CNR1: variants seen among roughly 807,000 people sequenced by gnomAD.
CNR1 encodes the protein cannabinoid receptor 1.
A neutral mutation model predicts 23.0 loss-of-function variants in CNR1; 10 were observed. The ratio of observed to expected loss-of-function variants is 0.43; its 90% CI spans 0.27 to 0.74. The LOEUF is 0.74. Among genes scored for constraint, CNR1 ranks in the 30% least tolerant of loss-of-function variants. The pLI, the probability that CNR1 is intolerant of heterozygous loss-of-function variation, is 0.19. For missense variants in CNR1, 422 were observed against 618.8 expected (o/e 0.68, Z 3.37); for synonymous variants, 271 against 255.2 (o/e 1.06, Z -0.59).
chr6:88,145,325 AC>A lies in CNR1; in HGVS notation c.-52del, dbSNP rs748879032. 6.9e-7 allele frequency: 1 copy of A among 1,456,006 alleles called. No individual in the cohort carries two copies. Among genetic ancestry groups the A allele is most frequent in the East Asian group, 2.3e-5 (1 of 43,838 alleles). 90.2% of individuals were successfully genotyped at this position (1,456,006 alleles called of 1,614,324 possible). A position where few individuals can be genotyped will look rare whatever the true frequency, so the allele number is the denominator to read the frequency against. On this transcript the variant is annotated 5_prime_UTR_variant, in exon 2 of 2. An upstream open reading frame in the 5' UTR gains an earlier in-frame stop. Coordinates refer to ENST00000369501, the MANE Select transcript of CNR1 (RefSeq NM_016083.6). ...CTCAAAATGACTGAGAAAGTGACCC[AC>A]AGGGGGCAATCCTAAGAGGAGGGAA...
chr6:88,141,765 A>C lies in CNR1; in HGVS notation c.*2091T>G, dbSNP rs1776834801. 1 of 152,340 alleles carries C rather than the reference A, an allele frequency of 6.6e-6. No individual in the cohort carries two copies. The highest frequency in any genetic ancestry group is 2.1e-4 in the South Asian group (1 of 4,826). The allele number at this position is 152,340 out of a possible 1,614,324, so 9.4% of individuals were successfully genotyped here. A position where few individuals can be genotyped will look rare whatever the true frequency, so the allele number is the denominator to read the frequency against. Reference sequence around the variant, plus strand: ...CAAGGTGTGCAGACAGACAATGCAAAGTATCTCATAAGCCACATCCTGCCT... The same window carrying C: ...CAAGGTGTGCAGACAGACAATGCAACGTATCTCATAAGCCACATCCTGCCT... On this transcript the variant is annotated 3_prime_UTR_variant, in exon 2 of 2. Coordinates refer to ENST00000369501, the MANE Select transcript of CNR1 (RefSeq NM_016083.6).
At chr6:88,162,485 A>G (rs1419693038) in intron 1 of CNR1, among the ~76,000 whole-genome samples, 2 of 152,222 alleles carry the variant, frequency 1.3e-5, no homozygotes, top group Non-Finnish European at 2.9e-5. Context: ...ATCTAATCTA[A>G]GAATATACAG....
At chr6:88,148,738 AG>A (rs1194639893) in intron 1 of CNR1, among the ~76,000 whole-genome samples, 8 of 152,228 alleles carry the variant, frequency 5.3e-5, no homozygotes, top group Non-Finnish European at 1.0e-4. Flanking sequence ...CTTTGGCTAC[AG>A]AGAGGCAAAC....
upstream of CNR1, among the ~76,000 whole-genome samples, chr6:88,166,605 C>T (rs910079958): frequency 6.6e-6 from 1 of 152,174 alleles, no homozygotes; most frequent in African/African-American, 2.4e-5. Flanking sequence ...CCTCCGCCGC[C>T]GCGCTCCCGG....
At chr6:88,150,303 G>A (rs1777448222) in intron 1 of CNR1, among the ~76,000 whole-genome samples, 1 of 152,174 alleles carries the variant, frequency 6.6e-6, no homozygotes, top group Non-Finnish European at 1.5e-5. Context: ...AAGACATACA[G>A]AGAAAAGTCA....
At chr6:88,157,633 T>C (rs1385874166) in intron 1 of CNR1, among the ~76,000 whole-genome samples, 3 of 152,030 alleles carry the variant, frequency 2.0e-5, no homozygotes, top group African/African-American at 7.2e-5. Flanking sequence ...AGGAAAGGAG[T>C]TCTACTTAAA....
rs1776846514 is a variant in CNR1 at position 88,141,937 on chromosome 6, A to C, written c.*1919T>G. 6.6e-6 allele frequency: 1 copy of C among 152,330 alleles called. No homozygotes were observed. The allele number at this position is 152,330 out of a possible 1,614,324, so 9.4% of individuals were successfully genotyped here. ...CTTGTAGGAGTCATGTTTTATCTGTATAAGAAGAGATTATAATTAAAATTT... is the reference window on the plus strand; with the variant it reads ...CTTGTAGGAGTCATGTTTTATCTGTCTAAGAAGAGATTATAATTAAAATTT... On this transcript the variant is annotated 3_prime_UTR_variant, in exon 2 of 2. Transcript: ENST00000369501.
At chr6:88,166,962 C>T (rs1778395235), upstream of CNR1, among the ~76,000 whole-genome samples, 3 of 151,886 alleles carry the variant, frequency 2.0e-5, no homozygotes, top group South Asian at 4.1e-4. Flanking sequence ...GAGCCGTTCG[C>T]TACCTGGCTG....
intron 1 of CNR1, among the ~76,000 whole-genome samples, chr6:88,164,088 T>A (rs1273773989): frequency 6.6e-6 from 1 of 152,222 alleles, no homozygotes; most frequent in Non-Finnish European, 1.5e-5. Context: ...GTTATTAAAA[T>A]TCAGGGGCAT....
intron 1 of CNR1, among the ~76,000 whole-genome samples, chr6:88,162,204 A>T (rs773257375): frequency 1.6e-4 from 25 of 152,192 alleles, no homozygotes; most frequent in Non-Finnish European, 3.4e-4. Flanking sequence ...AGCTGCTTTG[A>T]ATGCGGACAT....
chr6:88,167,346 G>A (rs982458358), upstream of CNR1, among the ~76,000 whole-genome samples: 2 of 152,218 alleles, frequency 1.3e-5, no homozygotes, highest in African/African-American at 4.8e-5. Context: ...ATCAGCCGCC[G>A]TCTGCCTCCT....
chr6:88,147,967 C>T (rs1294210227), intron 1 of CNR1, among the ~76,000 whole-genome samples: 2 of 152,198 alleles, frequency 1.3e-5, no homozygotes, highest in African/African-American at 4.8e-5. Context: ...CAACCTGTCT[C>T]CCTAAACAGG....
At chr6:88,165,670 A>C (rs1778333683) in intron 1 of CNR1, 133 bp downstream of exon 1, 1 of 152,520 alleles carries the variant, frequency 6.6e-6, no homozygotes, top group South Asian at 2.1e-4. Context: ...CATACAGCTA[A>C]GTAAACACCG....
chr6:88,160,422 T>A (rs1778034503), intron 1 of CNR1, among the ~76,000 whole-genome samples: 1 of 151,502 alleles, frequency 6.6e-6, no homozygotes, highest in South Asian at 2.1e-4. Context: ...ACTTAAAAAA[T>A]TTTTTTTCTT....
intron 1 of CNR1, among the ~76,000 whole-genome samples, chr6:88,151,972 G>A (rs1777543661): frequency 6.6e-6 from 1 of 152,068 alleles, no homozygotes; most frequent in African/African-American, 2.4e-5. Flanking sequence ...GAATATGATG[G>A]ATTTGCAGAT....
intron 1 of CNR1, among the ~76,000 whole-genome samples, chr6:88,154,180 TTACTAACAC>T (rs1484466025): frequency 6.6e-6 from 1 of 152,232 alleles, no homozygotes; most frequent in East Asian, 1.9e-4. Context: ...AGTCTATTCT[TTACTAACAC>T]TATATGTGTT....
At position 88,143,697 on chromosome 6, in the gene CNR1, T is replaced by C. The variant is rs1776958940; in HGVS notation, c.*159A>G. On this transcript the variant is annotated 3_prime_UTR_variant, in exon 2 of 2. Coordinates refer to ENST00000369501, the MANE Select transcript of CNR1 (RefSeq NM_016083.6). ...GAATGGAGTTTGAGTACCTAAACTA[T>C]GGAAACATTAGCAAACTGATAAGTG... 2 of 640,516 alleles carry C rather than the reference T, an allele frequency of 3.1e-6. No homozygotes were observed. The highest frequency in any genetic ancestry group is 5.5e-6 in the Non-Finnish European group (2 of 365,434). 39.7% of individuals were successfully genotyped at this position (640,516 alleles called of 1,614,324 possible). A position where few individuals can be genotyped will look rare whatever the true frequency, so the allele number is the denominator to read the frequency against.
intron 1 of CNR1, among the ~76,000 whole-genome samples, chr6:88,159,934 C>A (rs1387117558): frequency 6.6e-6 from 1 of 151,824 alleles, no homozygotes; most frequent in African/African-American, 2.4e-5. Context: ...TTAAATATAG[C>A]TGAGTTAAAA....
At chr6:88,158,982 T>C (rs944318914) in intron 1 of CNR1, among the ~76,000 whole-genome samples, 1 of 152,154 alleles carries the variant, frequency 6.6e-6, no homozygotes, top group Admixed American at 6.5e-5. Flanking sequence ...TTCAGGAAAC[T>C]TTTTTATGGA....
Sources: gnomAD v4.1 joint callset for allele counts (sites outside exome capture counted in the v4.1 genomes callset) on GRCh38, gnomAD v4.1.1 for gene constraint, MANE v1.5 for transcripts, NCBI Gene and HGNC (gene_info 2026-07-23, HGNC 2026-07-21) for gene names.